MAGI2: variants seen among roughly 807,000 people sequenced by gnomAD.
The protein encoded by MAGI2 is membrane associated guanylate kinase, WW and PDZ domain containing 2.
Under a neutral mutation model 133.3 loss-of-function variants are expected in MAGI2, and 35 were observed. That is an observed-to-expected ratio of 0.26 (90% CI 0.20 to 0.35). MAGI2 has a LOEUF of 0.35. Ranked by LOEUF, MAGI2 falls within the 10% of genes least tolerant of loss-of-function variation. MAGI2 has a pLI of 1.00. For synonymous variants in MAGI2, 729 were observed against 710.6 expected (o/e 1.03, Z -0.41); for missense variants, 1,636 against 1,863.4 (o/e 0.88, Z 2.25).
intron 2 of MAGI2, among the ~76,000 whole-genome samples, chr7:78,997,404 G>A (rs1219807962): frequency 2.0e-5 from 3 of 152,068 alleles, no homozygotes; most frequent in Admixed American, 2.0e-4. Context: ...GGGAGTTCAA[G>A]ACCAGCCTGA....
At chr7:78,390,017 A>G (rs1392812138) in intron 6 of MAGI2, among the ~76,000 whole-genome samples, 1 of 152,226 alleles carries the variant, frequency 6.6e-6, no homozygotes, top group Non-Finnish European at 1.5e-5. Flanking sequence ...GAATGAAATA[A>G]TAATACTTTG....
intron 16 of MAGI2, among the ~76,000 whole-genome samples, chr7:78,142,475 G>A (rs1822862408): frequency 1.3e-5 from 2 of 152,012 alleles, no homozygotes; most frequent in Admixed American, 1.3e-4. Flanking sequence ...ACTAGAAAAG[G>A]CAGTCCAAAA....
chr7:79,198,442 T>C (rs1364701096), intron 1 of MAGI2, among the ~76,000 whole-genome samples: 1 of 151,940 alleles, frequency 6.6e-6, no homozygotes. Flanking sequence ...AATAGCATTG[T>C]TGTTTCCACT....
chr7:78,019,197 G>C lies in MAGI2; in HGVS notation c.*118C>G, dbSNP rs773306353. ...TGGGACTTCACGTCGATGCTCCCAGGCCTTGGTGCCTCGTGGATCTATGCG... is the reference window on the plus strand; with the variant it reads ...TGGGACTTCACGTCGATGCTCCCAGCCCTTGGTGCCTCGTGGATCTATGCG... On this transcript the variant is annotated 3_prime_UTR_variant, in exon 22 of 22. Coordinates refer to ENST00000354212, the MANE Select transcript of MAGI2 (RefSeq NM_012301.4). 3 of 1,214,352 alleles carry C rather than the reference G, an allele frequency of 2.5e-6. No homozygotes were observed. The East Asian group carries it at 8.9e-5, about 36-fold the overall frequency. The allele number at this position is 1,214,352 out of a possible 1,614,324, so 75.2% of individuals were successfully genotyped here. A position where few individuals can be genotyped will look rare whatever the true frequency, so the allele number is the denominator to read the frequency against.
At chr7:78,769,050 G>T (rs547034915) in intron 2 of MAGI2, among the ~76,000 whole-genome samples, 1 of 152,170 alleles carries the variant, frequency 6.6e-6, no homozygotes, top group Non-Finnish European at 1.5e-5. Flanking sequence ...CAGTGTGGCT[G>T]CTGTAGCACC....
At chr7:78,119,557 C>CGA (rs1291869093) in intron 20 of MAGI2, among the ~76,000 whole-genome samples, 1 of 48,916 alleles carries the variant, frequency 2.0e-5, no homozygotes, top group Non-Finnish European at 3.6e-5. Context: ...TGAGACTCCT[C>CGA]AAAAAAAAAA....
intron 2 of MAGI2, among the ~76,000 whole-genome samples, chr7:78,703,004 T>C (rs2151154671): frequency 6.6e-6 from 1 of 152,026 alleles, no homozygotes; most frequent in African/African-American, 2.4e-5. Flanking sequence ...GTATGAGGAA[T>C]AATGTTGGAA....
chr7:78,827,746 C>G (rs1279968553), intron 2 of MAGI2, among the ~76,000 whole-genome samples: 1 of 151,836 alleles, frequency 6.6e-6, no homozygotes, highest in Non-Finnish European at 1.5e-5. Flanking sequence ...AATAAATATC[C>G]ATGTGTTTAT....
At chr7:78,692,384 G>A (rs539499323) in intron 2 of MAGI2, among the ~76,000 whole-genome samples, 88 of 152,220 alleles carry the variant, frequency 5.8e-4, no homozygotes, top group South Asian at 1.7e-3. Flanking sequence ...ACCTTAGGGA[G>A]CATCCTCAGG....
intron 1 of MAGI2, among the ~76,000 whole-genome samples, chr7:79,354,812 T>G (rs1841915832): frequency 6.6e-6 from 1 of 152,190 alleles, no homozygotes; most frequent in African/African-American, 2.4e-5. Context: ...TAAAGGCATT[T>G]GATAGCTTAC....
intron 2 of MAGI2, among the ~76,000 whole-genome samples, chr7:78,782,479 T>C (rs978058710): frequency 1.3e-5 from 2 of 152,104 alleles, no homozygotes; most frequent in African/African-American, 4.8e-5. Flanking sequence ...GAAACTGAGT[T>C]GGAGAGGTTC....
intron 1 of MAGI2, among the ~76,000 whole-genome samples, chr7:79,380,903 GTAAT>G (rs932762584): frequency 1.3e-5 from 2 of 151,772 alleles, no homozygotes; most frequent in African/African-American, 2.4e-5. Context: ...TTGTTTTAAA[GTAAT>G]TAATTTTTAT....
In MAGI2 at chr7:78,573,365, A is replaced by AAAATATATATATATATATATAT. The variant is rs1320390413; in HGVS notation, c.539-51721_539-51720insATATATATATATATATATATTT. Among the ~76,000 whole-genome samples the AAAATATATATATATATATATAT allele has an allele frequency of 1.6e-3, 45 of 29,032 alleles. 2 individuals are homozygous for AAAATATATATATATATATATAT. The highest frequency in any genetic ancestry group is 1.9e-3 in the Non-Finnish European group (36 of 19,114). The allele number at this position is 29,032 out of a possible 152,430, so 19.0% of individuals were successfully genotyped here. ...ATATATAGAGAGAGAGAATCCTGGA[A>AAAATATATATATATATATATAT]ATATATATATATATATATATATATA... is the stretch of plus-strand genomic sequence containing the variant. On this transcript the variant is annotated intron_variant, in intron 3 of 21. Transcript: ENST00000354212.
At chr7:78,326,799 C>G (rs553636143) in intron 9 of MAGI2, among the ~76,000 whole-genome samples, 2 of 152,288 alleles carry the variant, frequency 1.3e-5, no homozygotes, top group Admixed American at 1.3e-4. Context: ...CAACACCAAA[C>G]TTGATTTAAA....
At chr7:78,048,114 T>C (rs1029764297) in intron 21 of MAGI2, among the ~76,000 whole-genome samples, 1 of 152,148 alleles carries the variant, frequency 6.6e-6, no homozygotes, top group Non-Finnish European at 1.5e-5. Context: ...GCTTTGTGGA[T>C]TTGAGGAATG....
intron 1 of MAGI2, among the ~76,000 whole-genome samples, chr7:79,396,277 C>T (rs1025880941): frequency 3.3e-5 from 5 of 152,056 alleles, no homozygotes; most frequent in Admixed American, 6.6e-5. Flanking sequence ...TCTATGTTCT[C>T]TTTTTCCTTT....
intron 7 of MAGI2, chr7:78,350,531 C>T (rs1046452249): frequency 2.0e-5 from 3 of 152,170 alleles, no homozygotes; most frequent in Non-Finnish European, 4.4e-5. Context: ...AGTATCTTGC[C>T]TGATAAGATT....
chr7:78,971,526 T>G (rs1422270079), intron 2 of MAGI2, among the ~76,000 whole-genome samples: 1 of 152,054 alleles, frequency 6.6e-6, no homozygotes, highest in African/African-American at 2.4e-5. Context: ...TTAATTTGCA[T>G]TTCACATAAA....
chr7:78,623,500 A>T (rs1171185513), intron 3 of MAGI2, among the ~76,000 whole-genome samples: 1 of 152,150 alleles, frequency 6.6e-6, no homozygotes, highest in East Asian at 1.9e-4. Context: ...CAACTTCTTT[A>T]TTTAAAATGT....
Sources: allele counts gnomAD v4.1 joint callset (sites outside exome capture counted in the v4.1 genomes callset), GRCh38; gene constraint gnomAD v4.1.1; transcripts MANE v1.5; gene names NCBI Gene and HGNC (gene_info 2026-07-23, HGNC 2026-07-21).